The following TAF1B variants were observed in gnomAD, a reference collection of about 807,000 sequenced individuals.
TAF1B encodes the protein TATA box-binding protein-associated factor RNA polymerase I subunit B.
TAF1B carries 61 observed loss-of-function variants against 83.9 expected under a neutral mutation model. The ratio of observed to expected loss-of-function variants is 0.73; its 90% CI spans 0.59 to 0.90. TAF1B has a LOEUF of 0.90. Among genes scored for constraint, TAF1B ranks in the 40% least tolerant of loss-of-function variants. TAF1B has a pLI of 0.00. For missense variants in TAF1B, 625 were observed against 677.0 expected (o/e 0.92, Z 0.85); for synonymous variants, 221 against 224.6 (o/e 0.98, Z 0.14).
intron 14 of TAF1B, among the ~76,000 whole-genome samples, chr2:9,933,230 G>T (rs34878262): frequency 6.6e-6 from 1 of 152,054 alleles, no homozygotes; most frequent in Non-Finnish European, 1.5e-5. Context: ...GAAATCACCC[G>T]TCTTCTGATC....
At chr2:9,875,357 T>C (rs1406445654) in intron 6 of TAF1B, among the ~76,000 whole-genome samples, 1 of 152,218 alleles carries the variant, frequency 6.6e-6, no homozygotes, top group Non-Finnish European at 1.5e-5. Flanking sequence ...TTATTACTCT[T>C]TATTGCCAAA....
intron 7 of TAF1B, among the ~76,000 whole-genome samples, chr2:9,879,720 A>G (rs924118564): frequency 6.6e-6 from 1 of 152,234 alleles, no homozygotes; most frequent in Non-Finnish European, 1.5e-5. Context: ...AGATCATCAG[A>G]GGCAGATATC....
At chr2:9,864,274 C>T (rs912599571) in intron 5 of TAF1B, among the ~76,000 whole-genome samples, 57 of 130,648 alleles carry the variant, frequency 4.4e-4, no homozygotes, top group African/African-American at 1.3e-3. Context: ...ATATCACCAC[C>T]GATCCCACAG....
chr2:9,925,179 C>T (rs1045940228), intron 14 of TAF1B, among the ~76,000 whole-genome samples: 9 of 152,088 alleles, frequency 5.9e-5, no homozygotes, highest in Non-Finnish European at 1.0e-4. Context: ...GGGTGGCTCA[C>T]ACCTGTAATC....
chr2:9,845,175 A>G, intron 1 of TAF1B, 45 bp from the exon 2 acceptor site: 1 of 1,467,804 alleles, frequency 6.8e-7, no homozygotes, highest in South Asian at 1.1e-5. Context: ...CGATGTATTG[A>G]ATGTGGCTTG....
chr2:9,865,119 G>A (rs916998839), intron 5 of TAF1B, among the ~76,000 whole-genome samples: 2 of 152,154 alleles, frequency 1.3e-5, no homozygotes, highest in African/African-American at 4.8e-5. Flanking sequence ...GAAATAAAGG[G>A]CATGCAATTA....
rs537057463 is a variant in TAF1B at position 9,867,988 on chromosome 2, A to T, written c.400-288A>T. On this transcript the variant is annotated intron_variant, in intron 5 of 14. Transcript: ENST00000263663. ...GGGGTCATTGATGCGCGATGTTTTCAGTGGTGAAGATATTAGCGCTGTAAG... is the reference window on the plus strand; with the variant it reads ...GGGGTCATTGATGCGCGATGTTTTCTGTGGTGAAGATATTAGCGCTGTAAG... Among the ~76,000 whole-genome samples, 41 of 152,322 alleles carry T rather than the reference A, an allele frequency of 2.7e-4. No individual in the cohort carries two copies. The South Asian group carries it at 6.6e-3, about 25-fold the overall frequency.
intron 14 of TAF1B, among the ~76,000 whole-genome samples, chr2:9,920,579 CGGGGGGCG>C (rs1301398382): frequency 3.1e-5 from 3 of 96,466 alleles, no homozygotes; most frequent in Non-Finnish European, 6.1e-5. Flanking sequence ...TAGACTGGGG[CGGGGGGCG>C]GGGGGTCCAT....
intron 9 of TAF1B, among the ~76,000 whole-genome samples, chr2:9,909,912 A>G (rs890153434): frequency 7.2e-5 from 11 of 152,202 alleles, no homozygotes; most frequent in African/African-American, 2.7e-4. Flanking sequence ...CCATGGTACT[A>G]TATGCCACAT....
Position 9,924,204 on chromosome 2 carries a change from G to GC in TAF1B, c.1565+4385dup, listed in dbSNP as rs145670597. 3.2e-3 allele frequency among the ~76,000 whole-genome samples: 488 copies of GC among 152,172 alleles called. 3 individuals are homozygous for GC. Among genetic ancestry groups the GC allele is most frequent in the African/African-American group, 0.011 (471 of 41,522 alleles). Reference sequence around the variant, plus strand: ...ACCAGAGCCTAGAACTGCAGAGGAAGCAAAAAAGGCTTCAGCTGGGCAGTA... The same window carrying GC: ...ACCAGAGCCTAGAACTGCAGAGGAAGCCAAAAAAGGCTTCAGCTGGGCAGTA... On this transcript the variant is annotated intron_variant, in intron 14 of 14. Coordinates refer to ENST00000263663, the MANE Select transcript of TAF1B (RefSeq NM_005680.3).
At chr2:9,867,983 T>A (rs1346396917) in intron 5 of TAF1B, among the ~76,000 whole-genome samples, 1 of 152,156 alleles carries the variant, frequency 6.6e-6, no homozygotes. Flanking sequence ...ATGCGCGATG[T>A]TTTCAGTGGT....
intron 8 of TAF1B, among the ~76,000 whole-genome samples, chr2:9,895,469 A>G (rs1036058): frequency 0.23 from 34,655 of 152,032 alleles, 4,811 homozygotes; most frequent in East Asian, 0.32. Flanking sequence ...CCACTGCACT[A>G]CAGCCTGGGC....
intron 8 of TAF1B, among the ~76,000 whole-genome samples, chr2:9,899,574 G>A (rs1390179754): frequency 3.9e-5 from 6 of 152,062 alleles, no homozygotes; most frequent in South Asian, 4.1e-4. Context: ...ATATTTGTTC[G>A]CATCCCTGCT....
intron 8 of TAF1B, among the ~76,000 whole-genome samples, chr2:9,887,663 A>G (rs1222152186): frequency 6.6e-6 from 1 of 151,882 alleles, no homozygotes; most frequent in Non-Finnish European, 1.5e-5. Flanking sequence ...TTGGGTGTTG[A>G]TTTTTAAACA....
In TAF1B at chr2:9,849,415, C is replaced by A. The variant is rs1180950394; in HGVS notation, c.160C>A (p.Gln54Lys). 6.3e-7 allele frequency: 1 copy of A among 1,595,806 alleles called. No individual in the cohort carries two copies. Among genetic ancestry groups the A allele is most frequent in the Non-Finnish European group, 8.5e-7 (1 of 1,172,214 alleles). ...AAACACTGATCTTATTCCTAATACC[C>A]AAATAAAAGCCCTCAACCGGGGGCT... is the stretch of plus-strand genomic sequence containing the variant. Reference protein sequence around the residue: ...VTNTDLIPNTQIKALNRGLKK... With the variant: ...VTNTDLIPNTKIKALNRGLKK... The change falls in exon 3 of 15, where the codon CAA becomes AAA. Residue 54 changes from glutamine to lysine, a missense_variant. Gln to Lys is a moderately conservative substitution (Grantham distance 53). Coordinates refer to ENST00000263663, the MANE Select transcript of TAF1B (RefSeq NM_005680.3).
intron 5 of TAF1B, among the ~76,000 whole-genome samples, chr2:9,867,140 G>A (rs143348183): frequency 8.0e-4 from 122 of 152,298 alleles, no homozygotes; most frequent in African/African-American, 2.9e-3. Flanking sequence ...TGTAGTGATA[G>A]GAATGATGCA....
intron 12 of TAF1B, 88 bp downstream of exon 12, chr2:9,913,337 A>G (rs768078301): frequency 9.8e-7 from 1 of 1,025,278 alleles, no homozygotes; most frequent in South Asian, 1.6e-5. Flanking sequence ...ATCAGTATAC[A>G]CTTATCTACA....
intron 12 of TAF1B, 112 bp from the exon 13 acceptor site, chr2:9,918,929 T>TAGC: frequency 1.0e-6 from 1 of 962,224 alleles, no homozygotes; most frequent in East Asian, 2.4e-5. Context: ...CAGTAGGCCA[T>TAGC]TCCAAGCCAG....
intron 12 of TAF1B, among the ~76,000 whole-genome samples, chr2:9,916,268 T>C (rs16867239): frequency 0.51 from 78,224 of 152,132 alleles, 23,123 homozygotes; most frequent in Non-Finnish European, 0.68. Flanking sequence ...GAGAGAAATA[T>C]ATAGATAACA....
Sources: gnomAD v4.1 joint callset for allele counts (sites outside exome capture counted in the v4.1 genomes callset) on GRCh38, gnomAD v4.1.1 for gene constraint, MANE v1.5 for transcripts, NCBI Gene and HGNC (gene_info 2026-07-23, HGNC 2026-07-21) for gene names.